The following RNF216 variants were observed in gnomAD, a reference collection of about 807,000 sequenced individuals.
RNF216 encodes E3 ubiquitin-protein ligase RNF216.
In RNF216, 72 loss-of-function variants were observed where a neutral mutation model predicts 110.8. The ratio of observed to expected loss-of-function variants is 0.65; its 90% confidence interval spans 0.54 to 0.79. RNF216 has a LOEUF of 0.79. Among genes scored for constraint, RNF216 ranks in the 30% least tolerant of loss-of-function variants. The pLI is 0.00. For synonymous variants in RNF216, 495 were observed against 407.5 expected, an observed-to-expected ratio of 1.21 and a Z score of -2.59; for missense variants, 1,342 against 1,141.2, an observed-to-expected ratio of 1.18 and a Z score of -2.54.
At position 5,696,026 on chromosome 7, in the gene RNF216, G is replaced by C. The variant is rs755477173; in HGVS notation, c.2061+15735C>G. Among the ~76,000 whole-genome samples the C allele has an allele frequency of 1.1e-4, 17 of 152,178 alleles. No individual in the cohort carries two copies. Among genetic ancestry groups the C allele is most frequent in the Non-Finnish European group, 2.4e-4 (16 of 68,034 alleles). On this transcript the variant is annotated intron_variant, in intron 13 of 16. Transcript: ENST00000389902. The surrounding 1 kb of genome is among the most constrained non-coding windows in gnomAD (Gnocchi z 5.4). Reference sequence around the variant, plus strand: ...AAGGGAGGGTACCCCACTTGAAGGAGGGGCTGTGGCTCTCAGCACAACCCA... The same window carrying C: ...AAGGGAGGGTACCCCACTTGAAGGACGGGCTGTGGCTCTCAGCACAACCCA...
intron 13 of RNF216, among the ~76,000 whole-genome samples, chr7:5,698,312 G>A (rs1791750758): frequency 6.6e-6 from 1 of 151,926 alleles, no homozygotes; most frequent in African/African-American, 2.4e-5. Context: ...TCTCAACACA[G>A]AACCCCAGGC....
rs949086929 is a variant in RNF216 at position 5,644,258 on chromosome 7, A to C, written c.2160-2882T>G. Among the ~76,000 whole-genome samples, 93 of 152,150 alleles carry C rather than the reference A, an allele frequency of 6.1e-4. 1 individual carries two copies. Among genetic ancestry groups the C allele is most frequent in the Non-Finnish European group, 1.5e-5 (1 of 68,034 alleles). ...ATGTTTAACTTATTGGGGAAAGCCAACTGTTAACTATGGCGGCTACACTAT... is the reference window on the plus strand; with the variant it reads ...ATGTTTAACTTATTGGGGAAAGCCACCTGTTAACTATGGCGGCTACACTAT... On this transcript the variant is annotated intron_variant, in intron 14 of 16. Transcript: ENST00000389902.
At chr7:5,714,483 C>T (rs1320481513) in intron 11 of RNF216, among the ~76,000 whole-genome samples, 2 of 152,034 alleles carry the variant, frequency 1.3e-5, no homozygotes, top group African/African-American at 4.8e-5. Flanking sequence ...GTCTTGAACT[C>T]CTGACCTCAG....
At chr7:5,765,823 G>C (rs112382732) in intron 1 of RNF216, among the ~76,000 whole-genome samples, 1 of 150,424 alleles carries the variant, frequency 6.6e-6, no homozygotes, top group Non-Finnish European at 1.5e-5. Flanking sequence ...AGGCGTGGCA[G>C]TATGTGCCTG....
chr7:5,633,114 G>T (rs1274057331), intron 15 of RNF216, among the ~76,000 whole-genome samples: 3 of 151,888 alleles, frequency 2.0e-5, no homozygotes, highest in Non-Finnish European at 4.4e-5. Flanking sequence ...CAAGCAGCTG[G>T]GAGTACAGGC....
intron 1 of RNF216, among the ~76,000 whole-genome samples, chr7:5,775,706 T>C (rs1166824653): frequency 6.6e-6 from 1 of 151,938 alleles, no homozygotes; most frequent in Non-Finnish European, 1.5e-5. Flanking sequence ...CTGTCTCTAC[T>C]AAAAATACAA....
intron 1 of RNF216, among the ~76,000 whole-genome samples, chr7:5,780,752 T>C (rs36009719): frequency 0.045 from 6,817 of 152,012 alleles, 173 homozygotes; most frequent in South Asian, 0.07. Flanking sequence ...GAACGTTCTC[T>C]TTGCACGATC....
At chr7:5,636,488 T>C (rs852374) in intron 15 of RNF216, among the ~76,000 whole-genome samples, 108,008 of 152,100 alleles carry the variant, frequency 0.71, 38,939 homozygotes, top group East Asian at 1. Flanking sequence ...AAAACCATGA[T>C]GGGACAACTC....
intron 13 of RNF216, among the ~76,000 whole-genome samples, chr7:5,684,715 C>G (rs564014587): frequency 2.0e-4 from 30 of 152,310 alleles, no homozygotes; most frequent in Admixed American, 3.9e-4. Flanking sequence ...AGCAGCAATT[C>G]CAGTGGGTGT....
Position 5,624,984 on chromosome 7 carries a change from C to T in RNF216, c.2383-859G>A, listed in dbSNP as rs1011918098. Among the ~76,000 whole-genome samples, 1 of 152,220 alleles carries T rather than the reference C, an allele frequency of 6.6e-6. No individual in the cohort carries two copies. The highest frequency in any genetic ancestry group is 2.4e-5 in the African/African-American group (1 of 41,448). ...CATGAGTGGCGCTTACCTTAACCCC[C>T]CTCCTCAGTGACCCACAAAACAGCT... On this transcript the variant is annotated intron_variant, in intron 15 of 16. Transcript: ENST00000389902. The surrounding 1 kb of genome is among the most constrained non-coding windows in gnomAD (Gnocchi z 4.4).
intron 13 of RNF216, among the ~76,000 whole-genome samples, chr7:5,697,575 T>C (rs1024747307): frequency 6.6e-6 from 1 of 152,200 alleles, no homozygotes; most frequent in African/African-American, 2.4e-5. Flanking sequence ...AGATGAGGTC[T>C]TGCTATGTTG....
intron 13 of RNF216, among the ~76,000 whole-genome samples, chr7:5,653,728 G>A (rs1788551411): frequency 6.6e-6 from 1 of 152,130 alleles, no homozygotes. Flanking sequence ...GTTTTAAGTG[G>A]GGCCCTGATC....
At chr7:5,695,601 A>G (rs1302506719) in intron 13 of RNF216, among the ~76,000 whole-genome samples, 1 of 152,230 alleles carries the variant, frequency 6.6e-6, no homozygotes, top group Non-Finnish European at 1.5e-5. Context: ...TTTATGGTAG[A>G]AAAATGAATT....
At chr7:5,674,008 C>T (rs1430435082) in intron 13 of RNF216, among the ~76,000 whole-genome samples, 3 of 151,618 alleles carry the variant, frequency 2.0e-5, no homozygotes, top group Admixed American at 1.3e-4. Flanking sequence ...TACAGGTGTG[C>T]ACCACCATGC....
In RNF216 at chr7:5,645,858, G is replaced by A. The variant is rs1054296984; in HGVS notation, c.2160-4482C>T. The stretch of plus-strand genomic sequence containing the variant: ...GCCCACGTCAGCCTCCCAAAGTGCT[G>A]GGATTACAGGCGTGAGCCACTGCGC... On this transcript the variant is annotated intron_variant, in intron 14 of 16. Coordinates refer to ENST00000389902, the MANE Select transcript of RNF216 (RefSeq NM_207111.4). 3.3e-5 allele frequency among the ~76,000 whole-genome samples: 5 copies of A among 152,294 alleles called. No individual in the cohort carries two copies. The South Asian group carries it at 6.2e-4, about 19-fold the overall frequency.
rs138875603 is a variant in RNF216 at position 5,630,845 on chromosome 7, G to A, written c.2383-6720C>T. Among the ~76,000 whole-genome samples the A allele has an allele frequency of 1.2e-4, 18 of 152,286 alleles. No individual in the cohort carries two copies. The East Asian group carries it at 2.5e-3, about 21-fold the overall frequency. On this transcript the variant is annotated intron_variant, in intron 15 of 16. Transcript: ENST00000389902. ...TCAGGCACTATGAACTGATTGCCAC[G>A]CTGCAGATGAGGAAACCCTGGCACA...
At chr7:5,716,467 G>T (rs1428270012) in intron 10 of RNF216, among the ~76,000 whole-genome samples, 3 of 152,046 alleles carry the variant, frequency 2.0e-5, no homozygotes, top group African/African-American at 7.2e-5. Flanking sequence ...CTTTATGAGT[G>T]TATCTGATGA....
intron 13 of RNF216, among the ~76,000 whole-genome samples, chr7:5,710,987 C>T (rs1270746567): frequency 1.3e-5 from 2 of 152,158 alleles, no homozygotes; most frequent in South Asian, 2.1e-4. Flanking sequence ...AAGTTTTGAT[C>T]CATTAGTTTA....
At chr7:5,761,657 G>A (rs1476225883) in intron 1 of RNF216, among the ~76,000 whole-genome samples, 3 of 152,006 alleles carry the variant, frequency 2.0e-5, no homozygotes, top group South Asian at 2.1e-4. Context: ...GTGGTGGCAC[G>A]TGCCTGTAAT....
Sources: gnomAD v4.1 joint callset for allele counts (sites outside exome capture counted in the v4.1 genomes callset) on GRCh38, gnomAD v4.1.1 for gene constraint, Gnocchi (gnomAD v3.1) non-coding constraint, MANE v1.5 for transcripts, NCBI Gene and HGNC (gene_info 2026-07-23, HGNC 2026-07-21) for gene names.